ALK: variants seen among roughly 807,000 people sequenced by gnomAD.
The protein encoded by ALK is ALK tyrosine kinase receptor.
ALK carries 74 observed loss-of-function variants against 163.1 expected under a neutral mutation model. The observed-to-expected ratio is 0.45, with a 90% CI of 0.38 to 0.55. ALK has a LOEUF of 0.55. Among genes scored for constraint, ALK ranks in the 20% least tolerant of loss-of-function variants. The pLI, the probability that ALK is intolerant of heterozygous loss-of-function variation, is 0.00. For missense variants in ALK, 2,063 were observed against 2,105.3 expected, an observed-to-expected ratio of 0.98 and a Z score of 0.39; for synonymous variants, 960 against 843.2, an observed-to-expected ratio of 1.14 and a Z score of -2.40.
chr2:29,391,379 G>A (rs1669168159), intron 4 of ALK, among the ~76,000 whole-genome samples: 1 of 151,124 alleles, frequency 6.6e-6, no homozygotes, highest in Non-Finnish European at 1.5e-5. Context: ...TTGGCTCACT[G>A]CAACGTCCGC....
chr2:29,273,643 A>T (rs979932418), intron 11 of ALK, among the ~76,000 whole-genome samples: 14 of 152,130 alleles, frequency 9.2e-5, no homozygotes, highest in African/African-American at 2.7e-4. Context: ...CCAGCCACCC[A>T]CTAGTCAATA....
chr2:29,602,124 A>G (rs978482546), intron 3 of ALK, among the ~76,000 whole-genome samples: 1 of 152,130 alleles, frequency 6.6e-6, no homozygotes. Flanking sequence ...TATGAATCAT[A>G]TATTTTTGTT....
chr2:29,405,339 C>T (rs907664766), intron 4 of ALK, among the ~76,000 whole-genome samples: 3 of 152,188 alleles, frequency 2.0e-5, no homozygotes, highest in African/African-American at 7.2e-5. Context: ...TGTCTTCTAA[C>T]CTACAATATG....
chr2:29,687,566 A>C (rs1191132615), intron 3 of ALK, among the ~76,000 whole-genome samples: 1 of 152,148 alleles, frequency 6.6e-6, no homozygotes, highest in Non-Finnish European at 1.5e-5. Flanking sequence ...TTATCTTATT[A>C]TAAAAAATAA....
intron 7 of ALK, among the ~76,000 whole-genome samples, chr2:29,318,788 G>A (rs1314222371): frequency 2.6e-5 from 4 of 152,094 alleles, no homozygotes; most frequent in African/African-American, 9.6e-5. Flanking sequence ...GGATAGTCTC[G>A]ATCTCCTGAC....
intron 1 of ALK, among the ~76,000 whole-genome samples, chr2:29,882,683 A>G (rs1422915832): frequency 6.6e-6 from 1 of 152,214 alleles, no homozygotes; most frequent in African/African-American, 2.4e-5. Context: ...ACAGACAGGC[A>G]ACAACAACGA....
intron 5 of ALK, among the ~76,000 whole-genome samples, chr2:29,383,459 G>A (rs765969930): frequency 4.8e-4 from 73 of 152,208 alleles, no homozygotes; most frequent in Admixed American, 1.1e-3. Context: ...TGGGATTACA[G>A]ACGCACATCA....
intron 1 of ALK, among the ~76,000 whole-genome samples, chr2:29,851,002 A>G (rs1280420279): frequency 6.6e-6 from 1 of 152,190 alleles, no homozygotes; most frequent in Non-Finnish European, 1.5e-5. Context: ...CAATCCCCTG[A>G]AAGGAGTTGC....
chr2:29,854,188 C>T (rs139004457), intron 1 of ALK, among the ~76,000 whole-genome samples: 26 of 120,194 alleles, frequency 2.2e-4, no homozygotes, highest in African/African-American at 6.9e-4. Flanking sequence ...ACACTAGCTA[C>T]GTTAACGTTC....
At chr2:29,579,786 C>T (rs1419437708) in intron 3 of ALK, among the ~76,000 whole-genome samples, 6 of 152,236 alleles carry the variant, frequency 3.9e-5, no homozygotes, top group East Asian at 1.9e-4. Flanking sequence ...TCAGTCTTGA[C>T]GAAGCTGGGC....
At chr2:29,759,752 T>C (rs890151132) in intron 1 of ALK, among the ~76,000 whole-genome samples, 1 of 152,228 alleles carries the variant, frequency 6.6e-6, no homozygotes, top group Admixed American at 6.5e-5. Context: ...GGCACCATGA[T>C]GAACAGGTCT....
At chr2:29,249,916 G>T (rs1664774569) in intron 12 of ALK, among the ~76,000 whole-genome samples, 3 of 152,172 alleles carry the variant, frequency 2.0e-5, no homozygotes, top group Admixed American at 2.0e-4. Context: ...TAGCATTTCT[G>T]CCCGGAGTGC....
At chr2:29,649,338 C>T (rs1676975486) in intron 3 of ALK, among the ~76,000 whole-genome samples, 2 of 151,956 alleles carry the variant, frequency 1.3e-5, no homozygotes, top group Non-Finnish European at 2.9e-5. Context: ...CACCTCACCA[C>T]CGACCTTTGT....
intron 26 of ALK, among the ~76,000 whole-genome samples, chr2:29,206,150 G>A (rs1243340621): frequency 1.3e-5 from 2 of 152,034 alleles, no homozygotes; most frequent in African/African-American, 4.8e-5. Flanking sequence ...GACCTTTCAT[G>A]AATTTTCCTG....
intron 4 of ALK, among the ~76,000 whole-genome samples, chr2:29,396,359 C>T (rs1009492252): frequency 6.6e-5 from 10 of 152,168 alleles, no homozygotes; most frequent in African/African-American, 2.4e-4. Context: ...ATTCTACACC[C>T]CGTGTCAGGA....
At chr2:29,320,616 T>C (rs1667002673) in intron 7 of ALK, 135 bp downstream of exon 7, 2 of 1,249,876 alleles carry the variant, frequency 1.6e-6, no homozygotes, top group Non-Finnish European at 2.3e-6. Flanking sequence ...GAATTGTGTG[T>C]GAACGCTCTA....
intron 1 of ALK, among the ~76,000 whole-genome samples, chr2:29,916,652 A>T (rs980978040): frequency 2.6e-5 from 4 of 152,222 alleles, no homozygotes; most frequent in Admixed American, 1.3e-4. Flanking sequence ...GCCTCTCCAT[A>T]GTACATGTAA....
chr2:29,842,646 A>G (rs80152308), intron 1 of ALK, among the ~76,000 whole-genome samples: 1,678 of 152,304 alleles, frequency 0.011, 35 homozygotes, highest in African/African-American at 0.038. Flanking sequence ...CATAGCATGG[A>G]CCACAGGCTG....
intron 4 of ALK, among the ~76,000 whole-genome samples, chr2:29,419,719 T>C (rs1669971445): frequency 6.6e-6 from 1 of 151,574 alleles, no homozygotes; most frequent in African/African-American, 2.4e-5. Context: ...ATAAACAAAA[T>C]AGTCCATAGG....
Sources: allele counts gnomAD v4.1 joint callset (sites outside exome capture counted in the v4.1 genomes callset), GRCh38; gene constraint gnomAD v4.1.1; transcripts MANE v1.5; gene names NCBI Gene and HGNC (gene_info 2026-07-23, HGNC 2026-07-21).